Variants in SCGN observed in about 807,000 individuals in gnomAD.
SCGN encodes the protein secretagogin.
Under a neutral mutation model 39.7 loss-of-function variants are expected in SCGN, and 30 were observed. The ratio of observed to expected loss-of-function variants is 0.76; its 90% CI spans 0.57 to 1.03. The LOEUF (loss-of-function observed/expected upper bound fraction) is 1.03. Ranked by LOEUF, SCGN falls within the 50% of genes least tolerant of loss-of-function variation. The pLI is 0.00. For missense variants in SCGN, 353 were observed against 349.4 expected, an observed-to-expected ratio of 1.01 and a Z score of -0.08; for synonymous variants, 106 against 114.1, an observed-to-expected ratio of 0.93 and a Z score of 0.45.
chr6:25,653,243 T>C, intron 1 of SCGN, 139 bp from the exon 2 acceptor site: 1 of 626,318 alleles, frequency 1.6e-6, no homozygotes, highest in Non-Finnish European at 2.8e-6. Flanking sequence ...AGGTAGGTGT[T>C]GGCACTTTGT....
At chr6:25,661,407 G>A in intron 2 of SCGN, 145 bp from the exon 3 acceptor site, 1 of 580,754 alleles carries the variant, frequency 1.7e-6, no homozygotes, top group South Asian at 2.2e-5. Context: ...CTACAAAAGG[G>A]TAAAATCACT....
chr6:25,659,676 T>C (rs1244824499), intron 2 of SCGN, among the ~76,000 whole-genome samples: 1 of 152,230 alleles, frequency 6.6e-6, no homozygotes. Flanking sequence ...TATGTTAAGA[T>C]CTGGAAGGTA....
chr6:25,652,472 C>T lies in SCGN; in HGVS notation c.69C>T (p.Arg23=), dbSNP rs763499255. ...CTGGCTTCTGGCAGGTCTGGCAGCG[C>T]TTTGATGCGGATGGTGAGTAGAACA... ...DAAGFWQVWQ[R]FDADEKGYIE... The change falls in exon 1 of 11, where the codon CGC becomes CGT. Residue 23 remains arginine (R), a synonymous_variant. Coordinates refer to ENST00000377961, the MANE Select transcript of SCGN (RefSeq NM_006998.4). The T allele has an allele frequency of 1.2e-6, 2 of 1,613,954 alleles. No homozygotes were observed. The highest frequency in any genetic ancestry group is 1.1e-5 in the South Asian group (1 of 91,078).
chr6:25,659,304 A>G (rs749310453), intron 2 of SCGN, among the ~76,000 whole-genome samples: 26 of 152,198 alleles, frequency 1.7e-4, no homozygotes, highest in Admixed American at 1.2e-3. Context: ...ATTTTGTTTG[A>G]ACCATCTAAT....
intron 6 of SCGN, among the ~76,000 whole-genome samples, chr6:25,675,533 C>A (rs1294139013): frequency 6.6e-6 from 1 of 152,238 alleles, no homozygotes; most frequent in African/African-American, 2.4e-5. Context: ...TTATTCCAAG[C>A]CCTGTCTTTT....
At chr6:25,669,692 C>CAT in intron 5 of SCGN, 125 bp downstream of exon 5, 1 of 755,170 alleles carries the variant, frequency 1.3e-6, no homozygotes, top group Non-Finnish European at 2.3e-6. Flanking sequence ...AAAATACATA[C>CAT]ATATGTACAT....
At chr6:25,691,320 T>C (rs1177157749) in intron 10 of SCGN, among the ~76,000 whole-genome samples, 196 bp downstream of exon 10, 2 of 152,242 alleles carry the variant, frequency 1.3e-5, no homozygotes, top group African/African-American at 4.8e-5. Flanking sequence ...TTAAATTACA[T>C]GAAGCTATCA....
intron 6 of SCGN, among the ~76,000 whole-genome samples, chr6:25,676,768 TTTCCATCCCCTC>T (rs56319542): frequency 0.39 from 58,646 of 151,728 alleles, 12,155 homozygotes; most frequent in Non-Finnish European, 0.47. Context: ...TCTGTCTTAT[TTTCCATCCCCTC>T]TTCCATCCCC....
intron 10 of SCGN, among the ~76,000 whole-genome samples, chr6:25,699,089 A>C (rs1159663666): frequency 2.0e-5 from 3 of 151,960 alleles, no homozygotes; most frequent in African/African-American, 7.3e-5. Context: ...GGTAATGGAG[A>C]GTGCTTCCCA....
Position 25,689,207 on chromosome 6 carries a change from T to C in SCGN, c.563T>C (p.Phe188Ser). The C allele has an allele frequency of 6.3e-7, 1 of 1,595,264 alleles. No homozygotes were observed. Among genetic ancestry groups the C allele is most frequent in the African/African-American group, 1.3e-5 (1 of 74,326 alleles). ...CTTCAGGAAAACTTCCTTCTCCAAT[T>C]TAAAATGGATGTAAGTAGTGACATT... ...LALQENFLLQ[F>S]KMDACSTEER... is the part of the protein sequence containing the mutation. Residue 188 changes from phenylalanine to serine, a missense_variant, in exon 8 of 11, where the codon TTT becomes TCT. Coordinates refer to ENST00000377961, the MANE Select transcript of SCGN (RefSeq NM_006998.4).
At chr6:25,689,782 A>G (rs1182070826) in intron 9 of SCGN, among the ~76,000 whole-genome samples, 1 of 152,156 alleles carries the variant, frequency 6.6e-6, no homozygotes, top group East Asian at 1.9e-4. Flanking sequence ...GGCCTAAACT[A>G]TAAGTTTTCT....
intron 4 of SCGN, 67 bp from the exon 5 acceptor site, chr6:25,669,444 G>T: frequency 7.7e-7 from 1 of 1,303,412 alleles, no homozygotes. Context: ...CTGAACTGTA[G>T]TAGATACCAC....
At chr6:25,685,223 A>C (rs1313523604) in intron 7 of SCGN, among the ~76,000 whole-genome samples, 2 of 152,150 alleles carry the variant, frequency 1.3e-5, no homozygotes, top group African/African-American at 4.8e-5. Flanking sequence ...GCTGTAAATG[A>C]TTATGGTTAT....
rs529475035 is a variant in SCGN at position 25,700,870 on chromosome 6, A to G, written c.703-337A>G. Among the ~76,000 whole-genome samples, 22 of 152,342 alleles carry G rather than the reference A, an allele frequency of 1.4e-4. No individual in the cohort carries two copies. The South Asian group carries it at 4.3e-3, about 30-fold the overall frequency. On this transcript the variant is annotated intron_variant, in intron 10 of 10. Coordinates refer to ENST00000377961, the MANE Select transcript of SCGN (RefSeq NM_006998.4). ...GAAATGTGTCTTCTCTCATCAGTGC[A>G]GCAAGGCAGAAATTTATGATCATAA... is the stretch of plus-strand genomic sequence containing the variant.
At position 25,701,358 on chromosome 6, in the gene SCGN, C is replaced by T; in HGVS notation, c.*23C>T. On this transcript the variant is annotated 3_prime_UTR_variant, in exon 11 of 11. Transcript: ENST00000377961. ...TAATCCCAGACTGCTTTGCCTTTTG[C>T]TCTTACTATGTTTCTGTGATCTTGC... 6.2e-7 allele frequency: 1 copy of T among 1,605,040 alleles called. No individual in the cohort carries two copies. The highest frequency in any genetic ancestry group is 8.5e-7 in the Non-Finnish European group (1 of 1,176,044).
chr6:25,674,283 C>T (rs1422683396), intron 6 of SCGN, among the ~76,000 whole-genome samples: 1 of 152,310 alleles, frequency 6.6e-6, no homozygotes, highest in African/African-American at 2.4e-5. Flanking sequence ...TGAGTTTGAT[C>T]AGAAGACAAA....
intron 7 of SCGN, among the ~76,000 whole-genome samples, chr6:25,685,414 T>C (rs1759692408): frequency 6.6e-6 from 1 of 152,194 alleles, no homozygotes; most frequent in Non-Finnish European, 1.5e-5. Flanking sequence ...ACTGGCAACA[T>C]GATTTAGGCT....
At chr6:25,658,609 T>C (rs996976427) in intron 2 of SCGN, among the ~76,000 whole-genome samples, 2 of 152,202 alleles carry the variant, frequency 1.3e-5, no homozygotes, top group Non-Finnish European at 2.9e-5. Context: ...TACATATAGA[T>C]GCTATTTTTT....
chr6:25,653,337 T>C, intron 1 of SCGN, 45 bp from the exon 2 acceptor site: 1 of 1,269,080 alleles, frequency 7.9e-7, no homozygotes, highest in Non-Finnish European at 1.1e-6. Context: ...CTGTCATGTG[T>C]TTTTTATATG....
Sources: allele counts gnomAD v4.1 joint callset (sites outside exome capture counted in the v4.1 genomes callset), GRCh38; gene constraint gnomAD v4.1.1; transcripts MANE v1.5; gene names NCBI Gene and HGNC (gene_info 2026-07-23, HGNC 2026-07-21).